The following MEIS2 variants were observed in gnomAD, a reference collection of about 807,000 sequenced individuals.
MEIS2 encodes Meis homeobox 2.
Under a neutral mutation model 58.6 loss-of-function variants are expected in MEIS2, and 9 were observed. The observed-to-expected ratio is 0.15, with a 90% CI of 0.09 to 0.27. The LOEUF (loss-of-function observed/expected upper bound fraction) is 0.27. Among genes scored for constraint, MEIS2 ranks in the 10% least tolerant of loss-of-function variants. The pLI is 1.00. For missense variants in MEIS2, 427 were observed against 635.0 expected, an observed-to-expected ratio of 0.67 and a Z score of 3.52; for synonymous variants, 221 against 228.4, an observed-to-expected ratio of 0.97 and a Z score of 0.29.
intron 10 of MEIS2, among the ~76,000 whole-genome samples, chr15:36,895,629 T>C (rs1329210185): frequency 6.6e-6 from 1 of 152,238 alleles, no homozygotes; most frequent in African/African-American, 2.4e-5. Flanking sequence ...GGTGGCTTAA[T>C]ACAAAATGTT....
At chr15:37,035,675 GT>G (rs1436159302) in intron 8 of MEIS2, among the ~76,000 whole-genome samples, 2 of 152,146 alleles carry the variant, frequency 1.3e-5, no homozygotes, top group Admixed American at 1.3e-4. Context: ...ATACACCTTA[GT>G]TTGCTACTAA....
intron 9 of MEIS2, among the ~76,000 whole-genome samples, chr15:36,902,395 C>T (rs781112371): frequency 2.0e-5 from 3 of 152,194 alleles, no homozygotes; most frequent in Non-Finnish European, 4.4e-5. Context: ...GACACTGGGG[C>T]AGGCATCTGC....
chr15:36,999,300 T>C (rs1259118105), intron 8 of MEIS2, among the ~76,000 whole-genome samples: 1 of 152,200 alleles, frequency 6.6e-6, no homozygotes, highest in Non-Finnish European at 1.5e-5. Flanking sequence ...CAAACTGACA[T>C]GGTCATCACG....
chr15:36,917,901 A>G (rs565552644), intron 9 of MEIS2, among the ~76,000 whole-genome samples: 1 of 152,278 alleles, frequency 6.6e-6, no homozygotes, highest in Admixed American at 6.5e-5. Context: ...TTTCACCTAA[A>G]AGAAAATTTT....
At chr15:36,973,940 C>T (rs1173414913) in intron 8 of MEIS2, among the ~76,000 whole-genome samples, 1 of 152,110 alleles carries the variant, frequency 6.6e-6, no homozygotes, top group African/African-American at 2.4e-5. Context: ...CTTGTACTTA[C>T]GTATTTCTAA....
chr15:37,098,217 G>T lies in MEIS2; in HGVS notation c.13-18C>A. The T allele has an allele frequency of 1.9e-6, 3 of 1,571,044 alleles. No homozygotes were observed. The highest frequency in any genetic ancestry group is 2.6e-6 in the Non-Finnish European group (3 of 1,153,344). On this transcript the variant is annotated intron_variant, in intron 1 of 11. Coordinates refer to ENST00000561208, the MANE Select transcript of MEIS2 (RefSeq NM_170675.5). ...TCATCGTACTGTCAGAACCCGGGAA[G>T]GGGGAGGGGGCGCAGGAGGTGAGGG... is the stretch of plus-strand genomic sequence containing the variant.
At chr15:37,091,210 C>T (rs890111818) in intron 6 of MEIS2, among the ~76,000 whole-genome samples, 5 of 152,096 alleles carry the variant, frequency 3.3e-5, no homozygotes, top group Non-Finnish European at 7.4e-5. Flanking sequence ...AGAGGATTTG[C>T]TTTGAAGGGG....
At chr15:37,067,993 G>GT (rs1167188033) in intron 7 of MEIS2, among the ~76,000 whole-genome samples, 2 of 152,078 alleles carry the variant, frequency 1.3e-5, no homozygotes, top group Non-Finnish European at 2.9e-5. Context: ...GGAGCATATT[G>GT]TATTATAGAT....
intron 1 of MEIS2, chr15:37,099,162 C>G (rs988459993): frequency 8.1e-6 from 10 of 1,229,110 alleles, no homozygotes; most frequent in Non-Finnish European, 1.0e-5. Flanking sequence ...AAGCGTGTAA[C>G]GATTGCACAC....
chr15:37,053,525 TG>T (rs1358617461), intron 7 of MEIS2, among the ~76,000 whole-genome samples: 1 of 152,204 alleles, frequency 6.6e-6, no homozygotes, highest in Non-Finnish European at 1.5e-5. Flanking sequence ...CTACTGAAGT[TG>T]GTAATGACTT....
chr15:37,097,152 T>A (rs1894363147), intron 2 of MEIS2: 1 of 152,178 alleles, frequency 6.6e-6, no homozygotes, highest in Non-Finnish European at 1.5e-5. Context: ...CGTATGCCCT[T>A]TGTGTTCCTC....
intron 7 of MEIS2, among the ~76,000 whole-genome samples, chr15:37,052,786 T>TCCG (rs2062977358): frequency 6.6e-6 from 1 of 152,204 alleles, no homozygotes; most frequent in Admixed American, 6.5e-5. Flanking sequence ...ATTTGCTTTA[T>TCCG]AAAAATATCT....
At chr15:36,910,065 A>T (rs947225310) in intron 9 of MEIS2, among the ~76,000 whole-genome samples, 1 of 151,974 alleles carries the variant, frequency 6.6e-6, no homozygotes, top group African/African-American at 2.4e-5. Flanking sequence ...TTAGTCAGGC[A>T]TGGTGGCTTG....
intron 8 of MEIS2, among the ~76,000 whole-genome samples, chr15:36,983,991 T>C (rs2060013453): frequency 6.6e-6 from 1 of 152,156 alleles, no homozygotes; most frequent in African/African-American, 2.4e-5. Flanking sequence ...TTTTGCATTC[T>C]GCAACTTTAC....
intron 8 of MEIS2, among the ~76,000 whole-genome samples, chr15:37,028,480 C>T (rs150917158): frequency 1.3e-5 from 2 of 152,306 alleles, no homozygotes; most frequent in African/African-American, 4.8e-5. Context: ...AAAGTAAATT[C>T]AGTTGCAATT....
chr15:37,045,425 GTTTAA>G (rs1427067613), intron 7 of MEIS2, among the ~76,000 whole-genome samples: 1 of 151,938 alleles, frequency 6.6e-6, no homozygotes, highest in Non-Finnish European at 1.5e-5. Context: ...CCTTCCAGGA[GTTTAA>G]TTTAGGGCAC....
intron 9 of MEIS2, among the ~76,000 whole-genome samples, chr15:36,942,693 A>C (rs1479363161): frequency 6.6e-6 from 1 of 152,126 alleles, no homozygotes; most frequent in Non-Finnish European, 1.5e-5. Context: ...TAAAGCACTT[A>C]TTTCTCTGAG....
In MEIS2 at chr15:36,931,836, A is replaced by T. The variant is rs114428341; in HGVS notation, c.977+18488T>A. On this transcript the variant is annotated intron_variant, in intron 9 of 11. Transcript: ENST00000561208. ...CATTCTTTTAATCTAATACTACATT[A>T]GTGTCGCTATTCTTAAAGTTATTAC... Among the ~76,000 whole-genome samples the T allele has an allele frequency of 1.9e-3, 296 of 152,354 alleles. 1 individual carries two copies. The highest frequency in any genetic ancestry group is 6.8e-3 in the African/African-American group (282 of 41,584).
At chr15:37,090,660 CATGCACACACACGAGT>C (rs1157476737) in intron 6 of MEIS2, among the ~76,000 whole-genome samples, 5 of 151,884 alleles carry the variant, frequency 3.3e-5, no homozygotes, top group Non-Finnish European at 5.9e-5. Context: ...CTTCCTTAAA[CATGCACACACACGAGT>C]ATGCACACAC....
Sources: allele counts gnomAD v4.1 joint callset (sites outside exome capture counted in the v4.1 genomes callset), GRCh38; gene constraint gnomAD v4.1.1; transcripts MANE v1.5; gene names NCBI Gene and HGNC (gene_info 2026-07-23, HGNC 2026-07-21).